GLRA3: variants seen among roughly 807,000 people sequenced by gnomAD.
The protein encoded by GLRA3 is glycine receptor alpha 3.
GLRA3 carries 44 observed loss-of-function variants against 60.4 expected under a neutral mutation model. The ratio of observed to expected loss-of-function variants is 0.73; its 90% confidence interval spans 0.57 to 0.94. GLRA3 has a LOEUF of 0.94. Ranked by LOEUF, GLRA3 falls within the 40% of genes least tolerant of loss-of-function variation. GLRA3 has a pLI of 0.00. For synonymous variants in GLRA3, 223 were observed against 192.9 expected, an observed-to-expected ratio of 1.16 and a Z score of -1.29; for missense variants, 508 against 564.6, an observed-to-expected ratio of 0.90 and a Z score of 1.02.
chr4:174,672,089 C>T (rs749497909), intron 7 of GLRA3, among the ~76,000 whole-genome samples: 6 of 152,152 alleles, frequency 3.9e-5, no homozygotes, highest in Admixed American at 2.0e-4. Context: ...CCACAGGCTA[C>T]CAGCTTCTGA....
rs954022462 is a variant in GLRA3 at position 174,693,682 on chromosome 4, G to A, written c.575-10743C>T. Reference sequence around the variant, plus strand: ...TTTAAAATAGTTTTTTTCTAGTTCTGTGAAGAATGTCATTGTTAATTTTAT... The same window carrying A: ...TTTAAAATAGTTTTTTTCTAGTTCTATGAAGAATGTCATTGTTAATTTTAT... On this transcript the variant is annotated intron_variant, in intron 5 of 9. Transcript: ENST00000274093. 2.6e-5 allele frequency among the ~76,000 whole-genome samples: 4 copies of A among 152,232 alleles called. No individual in the cohort carries two copies. In the South Asian group the frequency reaches 6.2e-4, roughly 24 times the overall value.
At chr4:174,784,842 T>C (rs1282687709) in intron 2 of GLRA3, among the ~76,000 whole-genome samples, 23 of 152,156 alleles carry the variant, frequency 1.5e-4, no homozygotes, top group Non-Finnish European at 5.9e-5. Context: ...TTTATACTTA[T>C]GTCAAATTAT....
At chr4:174,707,539 C>A (rs1325534108) in intron 5 of GLRA3, among the ~76,000 whole-genome samples, 1 of 151,992 alleles carries the variant, frequency 6.6e-6, no homozygotes, top group African/African-American at 2.4e-5. Context: ...AAGCCCTACT[C>A]TGCAGTCTCG....
In GLRA3 at chr4:174,788,590, T is replaced by TAAA. The variant is rs35640897; in HGVS notation, c.199+223_199+225dup. 8.2e-3 allele frequency among the ~76,000 whole-genome samples: 717 copies of TAAA among 87,810 alleles called. 13 individuals are homozygous for TAAA. The highest frequency in any genetic ancestry group is 0.023 in the Middle Eastern group (3 of 130). The allele number at this position is 87,810 out of a possible 152,430, so 57.6% of individuals were successfully genotyped here. A position where few individuals can be genotyped will look rare whatever the true frequency, so the allele number is the denominator to read the frequency against. On this transcript the variant is annotated intron_variant, in intron 2 of 9. Coordinates refer to ENST00000274093, the MANE Select transcript of GLRA3 (RefSeq NM_006529.4). ...AGAAGTATTATAACAGTTAGAGAAGTAAAAAAAAAAAAAAAAAAAAAAGAC... is the reference window on the plus strand; with the variant it reads ...AGAAGTATTATAACAGTTAGAGAAGTAAAAAAAAAAAAAAAAAAAAAAAAAGAC...
At chr4:174,769,066 C>T (rs1193741222) in intron 2 of GLRA3, among the ~76,000 whole-genome samples, 2 of 152,006 alleles carry the variant, frequency 1.3e-5, no homozygotes, top group East Asian at 3.9e-4. Context: ...CTAGTAGCCC[C>T]TTGACTTATT....
At chr4:174,699,632 ATC>A (rs1288883551) in intron 5 of GLRA3, among the ~76,000 whole-genome samples, 3 of 152,152 alleles carry the variant, frequency 2.0e-5, no homozygotes, top group Admixed American at 6.6e-5. Flanking sequence ...AATGTGGTAT[ATC>A]TTTTGGATGG....
chr4:174,788,856 C>T lies in GLRA3; in HGVS notation c.159G>A (p.Arg53=), dbSNP rs764623276. ...PSDFLDKLMG[R]TSGYDARIRP... ...TGATTCTTGCATCATATCCTGATGTCCTGCCCATTAATTTATCCAGAAAAT... is the reference window on the plus strand; with the variant it reads ...TGATTCTTGCATCATATCCTGATGTTCTGCCCATTAATTTATCCAGAAAAT... Residue 53 remains arginine, a synonymous_variant, in exon 2 of 10, where the codon AGG becomes AGA. Transcript: ENST00000274093. The T allele has an allele frequency of 1.9e-6, 3 of 1,607,758 alleles. No individual in the cohort carries two copies. Among genetic ancestry groups the T allele is most frequent in the Non-Finnish European group, 2.6e-6 (3 of 1,175,146 alleles).
intron 1 of GLRA3, among the ~76,000 whole-genome samples, chr4:174,807,876 A>G (rs1740111243): frequency 6.6e-6 from 1 of 152,140 alleles, no homozygotes; most frequent in African/African-American, 2.4e-5. Context: ...CTCCTGGAAA[A>G]ATCTTTGAGA....
intron 1 of GLRA3, among the ~76,000 whole-genome samples, chr4:174,790,999 A>G (rs7670886): frequency 0.15 from 21,274 of 139,112 alleles, 2,110 homozygotes; most frequent in East Asian, 0.42. Flanking sequence ...GCGAGACTCC[A>G]TCTCAAAAAA....
chr4:174,680,999 C>CAA (rs1347622311), intron 6 of GLRA3, among the ~76,000 whole-genome samples: 1 of 152,076 alleles, frequency 6.6e-6, no homozygotes, highest in African/African-American at 2.4e-5. Flanking sequence ...GGATCTGAAG[C>CAA]AAATTAACCA....
intron 7 of GLRA3, among the ~76,000 whole-genome samples, chr4:174,673,114 T>A (rs1733974242): frequency 6.6e-6 from 1 of 151,758 alleles, no homozygotes; most frequent in African/African-American, 2.4e-5. Flanking sequence ...TGAAAAAAAA[T>A]GATGAGGGTA....
At chr4:174,682,670 G>T in intron 6 of GLRA3, 132 bp downstream of exon 6, 1 of 586,234 alleles carries the variant, frequency 1.7e-6, no homozygotes, top group Non-Finnish European at 2.9e-6. Context: ...GGTTTCAAAT[G>T]CATCCATTTT....
chr4:174,785,744 A>G (rs1364835769), intron 2 of GLRA3, among the ~76,000 whole-genome samples: 1 of 152,094 alleles, frequency 6.6e-6, no homozygotes, highest in Non-Finnish European at 1.5e-5. Context: ...TTATAGTAAT[A>G]TATTTTTACA....
At chr4:174,775,980 C>T (rs1337254076) in intron 2 of GLRA3, among the ~76,000 whole-genome samples, 2 of 151,914 alleles carry the variant, frequency 1.3e-5, no homozygotes, top group East Asian at 1.9e-4. Flanking sequence ...AAAATAAAAG[C>T]AAGCAGGGAC....
At chr4:174,781,996 C>T (rs1579598237) in intron 2 of GLRA3, among the ~76,000 whole-genome samples, 2 of 150,256 alleles carry the variant, frequency 1.3e-5, no homozygotes, top group Non-Finnish European at 3.0e-5. Context: ...ATACCAAAGC[C>T]GGGCAGAGAC....
chr4:174,774,066 A>G (rs1738497825), intron 2 of GLRA3, among the ~76,000 whole-genome samples: 1 of 152,130 alleles, frequency 6.6e-6, no homozygotes, highest in Admixed American at 6.5e-5. Context: ...TGGAGTCTGA[A>G]CAGGCATCTA....
intron 1 of GLRA3, among the ~76,000 whole-genome samples, chr4:174,813,731 T>C (rs1232194756): frequency 6.6e-6 from 1 of 152,260 alleles, no homozygotes; most frequent in African/African-American, 2.4e-5. Flanking sequence ...CCTTTTCTGA[T>C]TTAAAATCTA....
At chr4:174,798,554 T>G (rs1739662827) in intron 1 of GLRA3, among the ~76,000 whole-genome samples, 1 of 152,206 alleles carries the variant, frequency 6.6e-6, no homozygotes, top group Non-Finnish European at 1.5e-5. Flanking sequence ...GTGAAGACAC[T>G]ACCAGTGAAG....
chr4:174,824,738 G>C (rs192166145), intron 1 of GLRA3, among the ~76,000 whole-genome samples: 1 of 152,156 alleles, frequency 6.6e-6, no homozygotes, highest in Admixed American at 6.5e-5. Context: ...CAAGTACCAA[G>C]GTTTCTTGAT....
Sources: gnomAD v4.1 joint callset for allele counts (sites outside exome capture counted in the v4.1 genomes callset) on GRCh38, gnomAD v4.1.1 for gene constraint, MANE v1.5 for transcripts, NCBI Gene and HGNC (gene_info 2026-07-23, HGNC 2026-07-21) for gene names.